CCDC102B: variants seen among roughly 807,000 people sequenced by gnomAD.
CCDC102B encodes coiled-coil domain-containing protein 102B.
In CCDC102B, 75 loss-of-function variants were observed where a neutral mutation model predicts 57.4. The ratio of observed to expected loss-of-function variants is 1.31; its 90% CI spans 1.08 to 1.58. The LOEUF (loss-of-function observed/expected upper bound fraction) is 1.58. CCDC102B is among the 40% of genes most tolerant of loss of function. The pLI, the probability that CCDC102B is intolerant of heterozygous loss-of-function variation, is 0.00. For synonymous variants in CCDC102B, 206 were observed against 201.9 expected, an observed-to-expected ratio of 1.02 and a Z score of -0.17; for missense variants, 636 against 582.6, an observed-to-expected ratio of 1.09 and a Z score of -0.94.
chr18:68,726,008 C>G (rs1220352547), intron 2 of CCDC102B, among the ~76,000 whole-genome samples: 1 of 152,100 alleles, frequency 6.6e-6, no homozygotes, highest in African/African-American at 2.4e-5. Context: ...AGGAACGTTG[C>G]CTCGGTCTGC....
chr18:68,858,662 C>T (rs2038594005), intron 4 of CCDC102B, among the ~76,000 whole-genome samples: 1 of 152,050 alleles, frequency 6.6e-6, no homozygotes, highest in Non-Finnish European at 1.5e-5. Flanking sequence ...AGGTACGCCT[C>T]AGTTTTCCAG....
At chr18:68,804,864 C>CTTTTTTTTTTTT (rs202008892) in intron 1 of CCDC102B, among the ~76,000 whole-genome samples, 1 of 140,836 alleles carries the variant, frequency 7.1e-6, no homozygotes. Context: ...GGATCAAAAT[C>CTTTTTTTTTTTT]TTTTTTTTTT....
At chr18:69,003,191 A>G (rs551589684) in intron 6 of CCDC102B, among the ~76,000 whole-genome samples, 2 of 152,362 alleles carry the variant, frequency 1.3e-5, no homozygotes, top group East Asian at 1.9e-4. Flanking sequence ...CAAGAAACAA[A>G]TAATATTATG....
chr18:69,010,098 A>ATTTTTTTTTTTTTTTT, intron 6 of CCDC102B, among the ~76,000 whole-genome samples: 1 of 54,946 alleles, frequency 1.8e-5, no homozygotes, highest in African/African-American at 6.5e-5. Flanking sequence ...TGCCCGGCTA[A>ATTTTTTTTTTTTTTTT]TTTTTTTTTT....
intron 5 of CCDC102B, among the ~76,000 whole-genome samples, chr18:68,887,641 A>C (rs1168490067): frequency 6.6e-6 from 1 of 152,226 alleles, no homozygotes; most frequent in Non-Finnish European, 1.5e-5. Flanking sequence ...TTCCACTCCT[A>C]GAAGAGAAAA....
intron 1 of CCDC102B, among the ~76,000 whole-genome samples, chr18:68,827,442 A>T (rs977607359): frequency 1.3e-5 from 2 of 152,088 alleles, no homozygotes; most frequent in African/African-American, 4.8e-5. Context: ...TTTCCAGTAG[A>T]TAAGGCTGTT....
intron 7 of CCDC102B, among the ~76,000 whole-genome samples, chr18:69,018,877 T>C (rs1048379856): frequency 6.6e-6 from 1 of 152,226 alleles, no homozygotes; most frequent in East Asian, 1.9e-4. Context: ...GGTTTTCTTC[T>C]AGGAGTTTAC....
At chr18:68,740,335 A>C (rs551169772) in intron 2 of CCDC102B, among the ~76,000 whole-genome samples, 1 of 152,336 alleles carries the variant, frequency 6.6e-6, no homozygotes, top group East Asian at 1.9e-4. Flanking sequence ...TTTTTCTCCA[A>C]CATCAATCTT....
chr18:68,911,768 A>AAAAAAAAAAAC, intron 6 of CCDC102B, among the ~76,000 whole-genome samples: 1 of 144,126 alleles, frequency 6.9e-6, no homozygotes, highest in African/African-American at 2.5e-5. Flanking sequence ...AAAAAAAAAA[A>AAAAAAAAAAAC]AAAAAAAGAT....
At chr18:68,715,239 C>CT in exon 1 of CCDC102B, 1 of 1,337,566 alleles carries the variant, frequency 7.5e-7, no homozygotes, top group Non-Finnish European at 9.6e-7. Flanking sequence ...GCTCTCGGTG[C>CT]CCCCCTCCAC....
At chr18:68,720,151 A>G (rs372659593) in intron 2 of CCDC102B, among the ~76,000 whole-genome samples, 1 of 152,238 alleles carries the variant, frequency 6.6e-6, no homozygotes, top group African/African-American at 2.4e-5. Context: ...TAAATTAGGA[A>G]TAGGAAGGCA....
chr18:68,823,078 C>G (rs113827168), intron 1 of CCDC102B, among the ~76,000 whole-genome samples: 2,585 of 152,244 alleles, frequency 0.017, 70 homozygotes, highest in African/African-American at 0.058. Flanking sequence ...CAGGACCAGG[C>G]TCCATTTCAG....
At chr18:68,796,978 T>C (rs1395351554), upstream of CCDC102B, among the ~76,000 whole-genome samples, 1 of 151,842 alleles carries the variant, frequency 6.6e-6, no homozygotes, top group Admixed American at 6.6e-5. Flanking sequence ...TACCTGAAAG[T>C]GAAAATGACT....
intron 2 of CCDC102B, among the ~76,000 whole-genome samples, chr18:68,776,915 AT>A (rs1268246722): frequency 6.6e-6 from 1 of 151,824 alleles, no homozygotes; most frequent in East Asian, 1.9e-4. Context: ...TTGTATTACC[AT>A]TTTTTTCCCG....
intron 1 of CCDC102B, among the ~76,000 whole-genome samples, chr18:68,832,119 T>C (rs572833417): frequency 6.6e-6 from 1 of 151,068 alleles, no homozygotes; most frequent in African/African-American, 2.4e-5. Context: ...AAAAAAAAAA[T>C]TCAACAAAGG....
intron 2 of CCDC102B, among the ~76,000 whole-genome samples, chr18:68,727,460 C>A (rs1467158028): frequency 4.6e-5 from 7 of 152,142 alleles, no homozygotes; most frequent in African/African-American, 1.7e-4. Context: ...ATAAAGCATC[C>A]CAACATGCAG....
intron 2 of CCDC102B, among the ~76,000 whole-genome samples, chr18:68,765,832 T>TTC (rs893905084): frequency 6.6e-6 from 1 of 152,122 alleles, no homozygotes. Flanking sequence ...CTCATACTTT[T>TTC]TCTTTCTTTC....
Position 69,054,342 on chromosome 18 carries a change from C to A in CCDC102B, c.*205C>A. 1.7e-6 allele frequency: 2 copies of A among 1,207,174 alleles called. No individual in the cohort carries two copies. The highest frequency in any genetic ancestry group is 2.1e-6 in the Non-Finnish European group (2 of 971,524). The allele number at this position is 1,207,174 out of a possible 1,614,324, so 74.8% of individuals were successfully genotyped here. On this transcript the variant is annotated 3_prime_UTR_variant, in exon 8 of 8. Transcript: ENST00000360242. ...ATTCTCAAAAAGACAATTTAAATGTCATTTAAAAACAACTTTAATTCTAAG... is the reference window on the plus strand; with the variant it reads ...ATTCTCAAAAAGACAATTTAAATGTAATTTAAAAACAACTTTAATTCTAAG...
chr18:68,922,455 T>C (rs2041315088), intron 6 of CCDC102B, among the ~76,000 whole-genome samples: 1 of 152,192 alleles, frequency 6.6e-6, no homozygotes, highest in South Asian at 2.1e-4. Flanking sequence ...TAGCCATGCA[T>C]ACATAACTGA....
Sources: allele counts gnomAD v4.1 joint callset (sites outside exome capture counted in the v4.1 genomes callset), GRCh38; gene constraint gnomAD v4.1.1; transcripts MANE v1.5; gene names NCBI Gene and HGNC (gene_info 2026-07-23, HGNC 2026-07-21).